Variants in ANO4 observed in about 807,000 individuals in gnomAD.
ANO4 encodes anoctamin 4.
In ANO4, 69 loss-of-function variants were observed where a neutral mutation model predicts 141.9. That is an observed-to-expected ratio of 0.49 (90% confidence interval 0.40 to 0.59). The LOEUF (loss-of-function observed/expected upper bound fraction) is 0.59, where lower values mean the gene tolerates loss of function less well. Among genes scored for constraint, ANO4 ranks in the 20% least tolerant of loss-of-function variants. The pLI is 0.00. For synonymous variants in ANO4, 350 were observed against 394.3 expected, an observed-to-expected ratio of 0.89 and a Z score of 1.33; for missense variants, 894 against 1,162.2, an observed-to-expected ratio of 0.77 and a Z score of 3.36.
chr12:100,847,596 C>T (rs1041418927), intron 1 of ANO4, among the ~76,000 whole-genome samples: 3 of 151,938 alleles, frequency 2.0e-5, no homozygotes, highest in Non-Finnish European at 2.9e-5. Context: ...CTCAGCCTCC[C>T]GAGTAGCTGG....
At chr12:100,786,272 T>C (rs2033870842) in intron 3 of ANO4, among the ~76,000 whole-genome samples, 1 of 152,212 alleles carries the variant, frequency 6.6e-6, no homozygotes, top group Non-Finnish European at 1.5e-5. Flanking sequence ...CTGATGGTTA[T>C]TGCAGTTATG....
intron 5 of ANO4, among the ~76,000 whole-genome samples, chr12:100,963,093 A>C (rs2043494970): frequency 6.6e-6 from 1 of 152,186 alleles, no homozygotes. Flanking sequence ...TTGCCAGTGA[A>C]GCAGATCCAT....
intron 5 of ANO4, among the ~76,000 whole-genome samples, chr12:100,959,990 G>A (rs1056548306): frequency 4.6e-5 from 7 of 152,054 alleles, no homozygotes; most frequent in Admixed American, 6.6e-5. Context: ...TCTTTGCTGC[G>A]ACCAGGGACC....
intron 5 of ANO4, among the ~76,000 whole-genome samples, chr12:100,969,777 A>G (rs1300167287): frequency 1.3e-5 from 2 of 152,244 alleles, no homozygotes; most frequent in East Asian, 3.8e-4. Context: ...ATCTGTCAAC[A>G]TTCCTAAACT....
At chr12:100,862,932 T>A (rs770112182) in intron 1 of ANO4, among the ~76,000 whole-genome samples, 8 of 152,120 alleles carry the variant, frequency 5.3e-5, no homozygotes, top group Non-Finnish European at 1.2e-4. Context: ...GGAAGAGGTA[T>A]TATGTTTGTG....
At chr12:100,820,391 G>T (rs1425818802) in intron 1 of ANO4, among the ~76,000 whole-genome samples, 5 of 148,260 alleles carry the variant, frequency 3.4e-5, no homozygotes, top group Admixed American at 6.7e-5. Flanking sequence ...TTCCCTACCT[G>T]ATTATTATGT....
At chr12:101,088,472 T>A (rs10860676) in intron 17 of ANO4, among the ~76,000 whole-genome samples, 38,911 of 151,998 alleles carry the variant, frequency 0.26, 5,072 homozygotes, top group Admixed American at 0.31. Flanking sequence ...ATCTGCCATT[T>A]CTTTTGGAAT....
chr12:100,751,199 G>A (rs2032358685), intron 3 of ANO4, among the ~76,000 whole-genome samples: 1 of 152,166 alleles, frequency 6.6e-6, no homozygotes, highest in Non-Finnish European at 1.5e-5. Flanking sequence ...TCAGCAGCTG[G>A]GGGTGTACCA....
chr12:101,104,000 T>C (rs2050310559), intron 22 of ANO4, among the ~76,000 whole-genome samples: 1 of 151,966 alleles, frequency 6.6e-6, no homozygotes, highest in Admixed American at 6.5e-5. Context: ...GTTCATTTCA[T>C]CTAAATTTTC....
intron 8 of ANO4, among the ~76,000 whole-genome samples, chr12:101,009,920 T>C (rs1371884550): frequency 2.6e-5 from 4 of 152,282 alleles, no homozygotes; most frequent in Admixed American, 6.5e-5. Flanking sequence ...ATATTTTTGC[T>C]CTGGGAGAAT....
At chr12:100,869,234 C>T (rs1453102505) in intron 1 of ANO4, among the ~76,000 whole-genome samples, 2 of 152,198 alleles carry the variant, frequency 1.3e-5, no homozygotes, top group Non-Finnish European at 2.9e-5. Context: ...CTCCTGGCTC[C>T]TGCCAATATA....
At chr12:100,832,277 A>G (rs530134021) in intron 1 of ANO4, among the ~76,000 whole-genome samples, 2 of 152,222 alleles carry the variant, frequency 1.3e-5, no homozygotes, top group East Asian at 3.9e-4. Flanking sequence ...GAGGCCCTTT[A>G]AGGTCCTAAA....
chr12:100,739,146 TTA>T (rs930558792), intron 2 of ANO4, among the ~76,000 whole-genome samples: 2 of 148,388 alleles, frequency 1.3e-5, no homozygotes, highest in East Asian at 1.9e-4. Flanking sequence ...TCCTTATAAT[TTA>T]TATATATATA....
chr12:100,956,933 T>C (rs1045833872), intron 5 of ANO4, among the ~76,000 whole-genome samples: 1 of 152,228 alleles, frequency 6.6e-6, no homozygotes, highest in Admixed American at 6.5e-5. Context: ...TTCCTTTTTT[T>C]CTCTGGTCCC....
At chr12:100,800,031 T>C (rs1394623207) in intron 1 of ANO4, among the ~76,000 whole-genome samples, 1 of 152,208 alleles carries the variant, frequency 6.6e-6, no homozygotes, top group Non-Finnish European at 1.5e-5. Context: ...ATTACGTGGC[T>C]GTACCAGTCA....
rs1593226210 is a variant in ANO4 at position 101,083,763 on chromosome 12, C to G, written c.1481C>G (p.Ala494Gly). The stretch of plus-strand genomic sequence containing the variant: ...TCTGGAAAGCCAGAACCTTATCAAG[C>G]ATTTACAGATAAATGCAGCAGACTT... ...PISGKPEPYQ[A>G]FTDKCSRLIV... Residue 494 changes from alanine to glycine, a missense_variant, in exon 16 of 28, where the codon GCA becomes GGA. By Grantham distance (60) the Ala-to-Gly change is moderately conservative. Transcript: ENST00000392977. 6.2e-7 allele frequency: 1 copy of G among 1,602,870 alleles called. No individual in the cohort carries two copies. Among genetic ancestry groups the G allele is most frequent in the South Asian group, 1.1e-5 (1 of 87,888 alleles).
intron 9 of ANO4, among the ~76,000 whole-genome samples, chr12:101,020,966 A>G (rs1412658234): frequency 6.6e-6 from 1 of 152,194 alleles, no homozygotes; most frequent in Admixed American, 6.5e-5. Flanking sequence ...AAAGTTTTAT[A>G]TAAATAATTA....
At chr12:100,894,956 A>G (rs924075501) in intron 1 of ANO4, among the ~76,000 whole-genome samples, 3 of 131,424 alleles carry the variant, frequency 2.3e-5, no homozygotes, top group African/African-American at 9.1e-5. Flanking sequence ...ACAGAGCGAG[A>G]CTCCATCTCA....
chr12:101,021,041 T>C (rs1031664445), intron 9 of ANO4, among the ~76,000 whole-genome samples: 4 of 152,072 alleles, frequency 2.6e-5, no homozygotes. Flanking sequence ...CTCTAAAGAA[T>C]ACAGGAATAG....
Sources: gnomAD v4.1 joint callset for allele counts (sites outside exome capture counted in the v4.1 genomes callset) on GRCh38, gnomAD v4.1.1 for gene constraint, MANE v1.5 for transcripts, NCBI Gene and HGNC (gene_info 2026-07-23, HGNC 2026-07-21) for gene names.